Variants in OBI1 observed in about 807,000 individuals in gnomAD.
OBI1 encodes ORC ubiquitin ligase 1.
OBI1 carries 59 observed loss-of-function variants against 62.4 expected under a neutral mutation model. The observed-to-expected ratio is 0.95, with a 90% CI of 0.77 to 1.17. OBI1 has a LOEUF of 1.17. Ranked by LOEUF, OBI1 falls within the 50% of genes most tolerant of loss-of-function variation. The probability of loss-of-function intolerance (pLI) is 0.00; values close to 1 mark genes in which losing one functional copy is unlikely to be tolerated. For missense variants in OBI1, 875 were observed against 830.9 expected (o/e 1.05, Z -0.65); for synonymous variants, 302 against 292.8 (o/e 1.03, Z -0.32).
chr13:78,625,595 C>T lies in OBI1; in HGVS notation c.639-8473G>A, dbSNP rs541304978. On this transcript the variant is annotated intron_variant, in intron 5 of 5. Coordinates refer to ENST00000282003, the MANE Select transcript of OBI1 (RefSeq NM_024546.4). Reference sequence around the variant, plus strand: ...ACTGCTTAGTCATTAGCATGCACTGCCGCCTCCCCAAGTACCTTATCAATA... The same window carrying T: ...ACTGCTTAGTCATTAGCATGCACTGTCGCCTCCCCAAGTACCTTATCAATA... Among the ~76,000 whole-genome samples the T allele has an allele frequency of 1.2e-4, 19 of 152,290 alleles. No homozygotes were observed. In the South Asian group the frequency reaches 3.5e-3, roughly 28 times the overall value.
chr13:78,636,330 T>C (rs552902251), intron 4 of OBI1, among the ~76,000 whole-genome samples: 1 of 152,274 alleles, frequency 6.6e-6, no homozygotes, highest in East Asian at 1.9e-4. Context: ...CTCCCTAGAC[T>C]AGAAACCAAC....
intron 1 of OBI1, among the ~76,000 whole-genome samples, chr13:78,655,871 C>T (rs1876686830): frequency 6.6e-6 from 1 of 152,154 alleles, no homozygotes; most frequent in Non-Finnish European, 1.5e-5. Context: ...TGAGGACACG[C>T]CAGTTTTAGT....
chr13:78,640,267 T>A (rs1050316535), intron 3 of OBI1, among the ~76,000 whole-genome samples: 12 of 151,970 alleles, frequency 7.9e-5, no homozygotes, highest in African/African-American at 2.9e-4. Flanking sequence ...CCCTTAGGGA[T>A]ACCAAAATCC....
chr13:78,657,544 T>C (rs1360639375), intron 1 of OBI1, among the ~76,000 whole-genome samples: 1 of 152,162 alleles, frequency 6.6e-6, no homozygotes, highest in East Asian at 1.9e-4. Context: ...AATATATGCA[T>C]ACAAAAGCAC....
rs757411445 is a variant in OBI1, at chr13:78,615,910, T to C, written c.1851A>G (p.Pro617=). The change falls in exon 6 of 6, where the codon CCA becomes CCG. Residue 617 remains proline, a synonymous_variant. Coordinates refer to ENST00000282003, the MANE Select transcript of OBI1 (RefSeq NM_024546.4). ...WKPTSFFLLS[P]SDQEMNEDFS... ...AATCTTCATTCATTTCTTGGTCAGA[T>C]GGAGAGAGGAGAAAAAAAGAAGTGG... 3 of 1,614,016 alleles carry C rather than the reference T, an allele frequency of 1.9e-6. No individual in the cohort carries two copies. The highest frequency in any genetic ancestry group is 2.2e-5 in the South Asian group (2 of 91,050).
At chr13:78,650,792 G>A (rs764257071) in intron 1 of OBI1, among the ~76,000 whole-genome samples, 2 of 149,088 alleles carry the variant, frequency 1.3e-5, no homozygotes, top group South Asian at 2.1e-4. Context: ...CCTAGGAGCC[G>A]ACTACATATA....
chr13:78,643,430 T>C (rs929609812), intron 2 of OBI1, among the ~76,000 whole-genome samples: 1 of 152,216 alleles, frequency 6.6e-6, no homozygotes, highest in African/African-American at 2.4e-5. Context: ...TCAGATCTCT[T>C]ATTTCCTAAG....
Position 78,616,575 on chromosome 13 carries a change from T to C in OBI1, c.1186A>G (p.Ser396Gly). 6.2e-7 allele frequency: 1 copy of C among 1,614,144 alleles called. No individual in the cohort carries two copies. Among genetic ancestry groups the C allele is most frequent in the East Asian group, 2.2e-5 (1 of 44,878 alleles). Residue 396 changes from serine (S) to glycine (G), a missense_variant, in exon 6 of 6, where the codon AGT becomes GGT. Coordinates refer to ENST00000282003, the MANE Select transcript of OBI1 (RefSeq NM_024546.4). ...LPAPCTPLSL[S>G]CLQLSTPENR... Reference sequence around the variant, plus strand: ...TCTGGAGTACTGAGCTGAAGGCAACTAAGGGACAAAGGAGTACAAGGAGCT... The same window carrying C: ...TCTGGAGTACTGAGCTGAAGGCAACCAAGGGACAAAGGAGTACAAGGAGCT...
chr13:78,634,672 C>A (rs758952661), intron 5 of OBI1, among the ~76,000 whole-genome samples: 1 of 152,108 alleles, frequency 6.6e-6, no homozygotes, highest in Non-Finnish European at 1.5e-5. Flanking sequence ...CCTCCATTTT[C>A]TCATCTGAAA....
chr13:78,655,271 C>G (rs753208622), intron 1 of OBI1, among the ~76,000 whole-genome samples: 1 of 152,024 alleles, frequency 6.6e-6, no homozygotes, highest in Non-Finnish European at 1.5e-5. Flanking sequence ...CAAAATGTCA[C>G]TTAACAGATA....
At chr13:78,638,801 A>C (rs1876107874) in intron 4 of OBI1, 22 bp downstream of exon 4, 1 of 1,587,660 alleles carries the variant, frequency 6.3e-7, no homozygotes, top group Admixed American at 1.8e-5. Flanking sequence ...ACCATAATAG[A>C]TTTTTAAAAA....
At chr13:78,646,301 C>T (rs1876380472) in intron 1 of OBI1, among the ~76,000 whole-genome samples, 1 of 152,174 alleles carries the variant, frequency 6.6e-6, no homozygotes, top group South Asian at 2.1e-4. Flanking sequence ...TCATTCATAA[C>T]TAAACCTTTA....
At chr13:78,639,457 A>G (rs1452318006) in intron 3 of OBI1, among the ~76,000 whole-genome samples, 1 of 152,064 alleles carries the variant, frequency 6.6e-6, no homozygotes, top group Non-Finnish European at 1.5e-5. Context: ...ATCTAGAACT[A>G]GGAATACCAT....
At chr13:78,635,068 T>C (rs746470086) in intron 5 of OBI1, 42 bp downstream of exon 5, 7 of 1,210,578 alleles carry the variant, frequency 5.8e-6, no homozygotes, top group African/African-American at 1.5e-5. Flanking sequence ...GTCTAAAATA[T>C]TGACATAATC....
Position 78,616,013 on chromosome 13 carries a change from A to C in OBI1, c.1748T>G (p.Leu583Trp). The stretch of plus-strand genomic sequence containing the variant: ...AAGGTTTAGCTCAGTTTTTTCTTCC[A>C]ACTTATCAGGTTCCTCAAGAAATTC... ...GSEFLEEPDK[L>W]EEKTELNLSK... Residue 583 changes from leucine to tryptophan, a missense_variant, in exon 6 of 6, where the codon TTG becomes TGG. By Grantham distance (61) the Leu-to-Trp change is moderately conservative. Transcript: ENST00000282003. 6.2e-7 allele frequency: 1 copy of C among 1,614,170 alleles called. No homozygotes were observed. Among genetic ancestry groups the C allele is most frequent in the Non-Finnish European group, 8.5e-7 (1 of 1,180,020 alleles).
chr13:78,649,519 TGGA>T (rs1274902945), intron 1 of OBI1, among the ~76,000 whole-genome samples: 3 of 152,150 alleles, frequency 2.0e-5, no homozygotes, highest in Non-Finnish European at 4.4e-5. Flanking sequence ...GAAACCTGAC[TGGA>T]GGTTGAGAGA....
intron 5 of OBI1, among the ~76,000 whole-genome samples, chr13:78,627,292 A>C (rs1875700879): frequency 7.2e-6 from 1 of 138,420 alleles, no homozygotes. Context: ...TCCCACCTCT[A>C]CCTGTTTTAT....
chr13:78,625,850 TCAC>T (rs1284799236), intron 5 of OBI1, among the ~76,000 whole-genome samples: 2 of 152,022 alleles, frequency 1.3e-5, no homozygotes, highest in South Asian at 2.1e-4. Flanking sequence ...TACTAGGAAA[TCAC>T]CACATTTGTC....
At chr13:78,638,670 A>G (rs1045705228) in intron 4 of OBI1, among the ~76,000 whole-genome samples, 153 bp downstream of exon 4, 2 of 152,208 alleles carry the variant, frequency 1.3e-5, no homozygotes, top group Non-Finnish European at 2.9e-5. Flanking sequence ...AAATAAGAAA[A>G]AGTCTTCTTA....
Sources: allele counts gnomAD v4.1 joint callset (sites outside exome capture counted in the v4.1 genomes callset), GRCh38; gene constraint gnomAD v4.1.1; transcripts MANE v1.5; gene names NCBI Gene and HGNC (gene_info 2026-07-23, HGNC 2026-07-21).